The following RBFOX1 variants were observed in gnomAD, a reference collection of about 807,000 sequenced individuals.
RBFOX1 encodes the protein RNA binding fox-1 homolog 1.
RBFOX1 carries 8 observed loss-of-function variants against 57.7 expected under a neutral mutation model. The observed-to-expected ratio is 0.14, with a 90% CI of 0.08 to 0.25. The LOEUF (loss-of-function observed/expected upper bound fraction) is 0.25, where lower values mean the gene tolerates loss of function less well. RBFOX1 is among the 10% of genes least tolerant of loss of function. The pLI is 1.00. For missense variants in RBFOX1, 611 were observed against 548.5 expected, an observed-to-expected ratio of 1.11 and a Z score of -1.14; for synonymous variants, 326 against 222.4, an observed-to-expected ratio of 1.47 and a Z score of -4.15.
At chr16:7,258,546 A>G (rs1290667660) in intron 4 of RBFOX1, among the ~76,000 whole-genome samples, 6 of 152,196 alleles carry the variant, frequency 3.9e-5, no homozygotes, top group Middle Eastern at 3.2e-3. Context: ...ACGTAAAAAT[A>G]TATCAGTACT....
At chr16:7,616,688 C>A (rs1434881871) in intron 10 of RBFOX1, among the ~76,000 whole-genome samples, 2 of 152,188 alleles carry the variant, frequency 1.3e-5, no homozygotes, top group African/African-American at 4.8e-5. Context: ...CCCGCCACCA[C>A]ACCCAGCTAA....
chr16:5,675,519 G>T (rs1004314156), intron 3 of RBFOX1, among the ~76,000 whole-genome samples: 9 of 152,148 alleles, frequency 5.9e-5, no homozygotes, highest in African/African-American at 1.4e-4. Context: ...TTTCTCAATT[G>T]GACCCAACTT....
At chr16:6,029,586 A>C (rs2095257574) in intron 1 of RBFOX1, among the ~76,000 whole-genome samples, 1 of 151,424 alleles carries the variant, frequency 6.6e-6, no homozygotes, top group South Asian at 2.1e-4. Context: ...ATCCTGGCTA[A>C]CATGGTGAAA....
Position 6,509,031 on chromosome 16 carries a change from C to T in RBFOX1, c.-63-145572C>T, listed in dbSNP as rs557640581. Among the ~76,000 whole-genome samples the T allele has an allele frequency of 1.1e-4, 16 of 152,268 alleles. No individual in the cohort carries two copies. In the East Asian group the frequency reaches 2.9e-3, roughly 28 times the overall value. On this transcript the variant is annotated intron_variant, in intron 2 of 15. Coordinates refer to ENST00000550418, the MANE Select transcript of RBFOX1 (RefSeq NM_018723.4). ...CAGTTAAGATCACCCTTCTTCATGGCACCATACATTTGGATGAGATTTTAA... is the reference window on the plus strand; with the variant it reads ...CAGTTAAGATCACCCTTCTTCATGGTACCATACATTTGGATGAGATTTTAA...
chr16:6,457,438 T>TGCCCCCCC (rs757540836), intron 2 of RBFOX1, among the ~76,000 whole-genome samples: 3 of 54,226 alleles, frequency 5.5e-5, no homozygotes, highest in Non-Finnish European at 1.2e-4. Context: ...TTTCCGGAAG[T>TGCCCCCCC]CCCCCCCCCC....
rs1555518574 is a variant in RBFOX1, at chr16:6,840,897, A to AAAAAAAG, written c.-16+186253_-16+186254insGAAAAAA. ...AGTGAGACTCTGTCTCAAAAAAAAA[A>AAAAAAAG]AAAAAAACGAAAAAAGGTTTGAGAG... On this transcript the variant is annotated intron_variant, in intron 3 of 15. Coordinates refer to ENST00000550418, the MANE Select transcript of RBFOX1 (RefSeq NM_018723.4). 4.4e-4 allele frequency among the ~76,000 whole-genome samples: 61 copies of AAAAAAAG among 137,500 alleles called. 5 individuals carry two copies. The highest frequency in any genetic ancestry group is 1.6e-3 in the East Asian group (7 of 4,400). 90.2% of individuals were successfully genotyped at this position (137,500 alleles called of 152,430 possible).
intron 4 of RBFOX1, among the ~76,000 whole-genome samples, chr16:7,216,123 C>A (rs184441436): frequency 6.6e-6 from 1 of 152,248 alleles, no homozygotes; most frequent in East Asian, 1.9e-4. Context: ...GTTATAGATG[C>A]GTTGCCAGAC....
chr16:5,861,231 C>T (rs1335159451), intron 3 of RBFOX1, among the ~76,000 whole-genome samples: 4 of 152,176 alleles, frequency 2.6e-5, no homozygotes, highest in Non-Finnish European at 5.9e-5. Flanking sequence ...TGGGTCTGTT[C>T]ACCAGAACCA....
chr16:6,582,358 C>T (rs931601305), intron 2 of RBFOX1, among the ~76,000 whole-genome samples: 4 of 152,060 alleles, frequency 2.6e-5, no homozygotes, highest in South Asian at 4.2e-4. Context: ...TATTTATGAA[C>T]ACTAAATTTA....
chr16:6,029,240 T>C (rs2095251893), intron 1 of RBFOX1, among the ~76,000 whole-genome samples: 2 of 152,220 alleles, frequency 1.3e-5, no homozygotes, highest in African/African-American at 2.4e-5. Context: ...ACTTTATTGG[T>C]TTTGTCTGTG....
chr16:5,400,085 T>C (rs951180568), intron 1 of RBFOX1, among the ~76,000 whole-genome samples: 25 of 151,768 alleles, frequency 1.6e-4, no homozygotes, highest in African/African-American at 5.8e-4. Context: ...TTCCTTTTCT[T>C]TTTTCTTTTC....
At position 6,561,899 on chromosome 16, in the gene RBFOX1, G is replaced by C. The variant is rs1263682994; in HGVS notation, c.-63-92704G>C. The stretch of plus-strand genomic sequence containing the variant: ...TTAATGACGGTATTGGCAGCACTTT[G>C]CCTAATGAGTATGTATCACTCTGGC... On this transcript the variant is annotated intron_variant, in intron 2 of 15. Coordinates refer to ENST00000550418, the MANE Select transcript of RBFOX1 (RefSeq NM_018723.4). 2.0e-5 allele frequency among the ~76,000 whole-genome samples: 3 copies of C among 152,142 alleles called. No homozygotes were observed. The East Asian group carries it at 5.8e-4, about 29-fold the overall frequency.
intron 4 of RBFOX1, among the ~76,000 whole-genome samples, chr16:7,509,217 G>T (rs767888): frequency 0.099 from 15,015 of 152,202 alleles, 774 homozygotes; most frequent in East Asian, 0.17. Context: ...GATAGCATTT[G>T]TCACCCCTGG....
intron 4 of RBFOX1, among the ~76,000 whole-genome samples, chr16:7,287,364 C>T (rs2095670341): frequency 6.6e-6 from 1 of 152,124 alleles, no homozygotes; most frequent in Non-Finnish European, 1.5e-5. Context: ...ATTAGGATTC[C>T]ATGGAGAGCA....
At chr16:6,720,649 A>C (rs36059198) in intron 3 of RBFOX1, among the ~76,000 whole-genome samples, 1 of 151,914 alleles carries the variant, frequency 6.6e-6, no homozygotes, top group Non-Finnish European at 1.5e-5. Context: ...TGTCGGGAGA[A>C]TAGTTGGTGA....
intron 2 of RBFOX1, among the ~76,000 whole-genome samples, chr16:5,568,880 G>T (rs1316421562): frequency 6.6e-6 from 1 of 152,094 alleles, no homozygotes; most frequent in Admixed American, 6.6e-5. Context: ...TTGCTCTGTT[G>T]CCCAGGTTGG....
chr16:6,236,676 C>G (rs1461679920), intron 1 of RBFOX1, among the ~76,000 whole-genome samples: 5 of 152,084 alleles, frequency 3.3e-5, no homozygotes, highest in Admixed American at 2.0e-4. Context: ...GTCTCAAACT[C>G]CTGAGCTCGG....
chr16:7,691,101 ATTGT>A (rs1204977636), intron 14 of RBFOX1, among the ~76,000 whole-genome samples: 4 of 152,136 alleles, frequency 2.6e-5, no homozygotes, highest in Non-Finnish European at 4.4e-5. Flanking sequence ...ATGTAGTGGG[ATTGT>A]TTATGTGGAT....
At chr16:6,243,217 G>C (rs1431449433) in intron 1 of RBFOX1, among the ~76,000 whole-genome samples, 2 of 152,002 alleles carry the variant, frequency 1.3e-5, no homozygotes, top group African/African-American at 4.8e-5. Flanking sequence ...AAAACATTAG[G>C]TGAGTTAGAA....
Sources: allele counts gnomAD v4.1 joint callset (sites outside exome capture counted in the v4.1 genomes callset), GRCh38; gene constraint gnomAD v4.1.1; transcripts MANE v1.5; gene names NCBI Gene and HGNC (gene_info 2026-07-23, HGNC 2026-07-21).